Variants in CPNE8 observed in about 807,000 individuals in gnomAD.
The protein encoded by CPNE8 is copine 8.
Under a neutral mutation model 81.5 loss-of-function variants are expected in CPNE8, and 45 were observed. The observed-to-expected ratio is 0.55, with a 90% confidence interval of 0.44 to 0.71. CPNE8 has a LOEUF of 0.71. CPNE8 is among the 30% of genes least tolerant of loss of function. The probability of loss-of-function intolerance (pLI) is 0.00; values close to 1 mark genes in which losing one functional copy is unlikely to be tolerated. For missense variants in CPNE8, 594 were observed against 672.1 expected, an observed-to-expected ratio of 0.88 and a Z score of 1.28; for synonymous variants, 252 against 226.3, an observed-to-expected ratio of 1.11 and a Z score of -1.02.
intron 1 of CPNE8, among the ~76,000 whole-genome samples, chr12:38,890,443 T>G (rs1490454754): frequency 6.6e-6 from 1 of 152,234 alleles, no homozygotes; most frequent in African/African-American, 2.4e-5. Flanking sequence ...ACAAGTTCTG[T>G]CTTTTCCTTT....
At chr12:38,874,065 G>T (rs191722007) in intron 2 of CPNE8, among the ~76,000 whole-genome samples, 1 of 150,404 alleles carries the variant, frequency 6.6e-6, no homozygotes, top group Non-Finnish European at 1.5e-5. Flanking sequence ...CTCCCAAAGT[G>T]CTGGGATTAT....
intron 13 of CPNE8, among the ~76,000 whole-genome samples, chr12:38,717,437 A>ATATATATATATATATATG (rs1940429710): frequency 7.8e-6 from 1 of 128,142 alleles, no homozygotes; most frequent in African/African-American, 3.1e-5. Flanking sequence ...GTGTATATAT[A>ATATATATATATATATATG]TATATATATA....
intron 1 of CPNE8, among the ~76,000 whole-genome samples, chr12:38,877,983 C>G (rs1944092162): frequency 6.6e-6 from 1 of 152,158 alleles, no homozygotes; most frequent in South Asian, 2.1e-4. Flanking sequence ...CCAAAACTCA[C>G]CAAAACCAAG....
At chr12:38,904,460 G>GTTT (rs200928843) in intron 1 of CPNE8, among the ~76,000 whole-genome samples, 7 of 130,526 alleles carry the variant, frequency 5.4e-5, no homozygotes, top group East Asian at 2.3e-4. Flanking sequence ...TTGAAAGTCA[G>GTTT]TTTTTTTTTG....
intron 6 of CPNE8, among the ~76,000 whole-genome samples, chr12:38,826,123 T>C (rs1174087500): frequency 6.6e-6 from 1 of 152,208 alleles, no homozygotes; most frequent in Non-Finnish European, 1.5e-5. Flanking sequence ...GTACTAAAAC[T>C]TGCCTAGCTA....
intron 16 of CPNE8, among the ~76,000 whole-genome samples, chr12:38,683,026 T>C (rs1404549680): frequency 6.6e-6 from 1 of 152,070 alleles, no homozygotes; most frequent in Non-Finnish European, 1.5e-5. Context: ...CTGGAAAGCC[T>C]CAAAAAAAAG....
At chr12:38,779,984 C>T (rs892969836) in intron 6 of CPNE8, among the ~76,000 whole-genome samples, 3 of 152,086 alleles carry the variant, frequency 2.0e-5, no homozygotes, top group African/African-American at 7.2e-5. Flanking sequence ...GCTGTCATTG[C>T]CAGTGCCAAT....
intron 14 of CPNE8, among the ~76,000 whole-genome samples, chr12:38,699,802 C>T (rs548557934): frequency 3.3e-5 from 5 of 151,938 alleles, no homozygotes; most frequent in South Asian, 4.2e-4. Context: ...TAAATTTATT[C>T]GTAAGTATAA....
At chr12:38,896,210 G>T (rs993649434) in intron 1 of CPNE8, among the ~76,000 whole-genome samples, 4 of 152,058 alleles carry the variant, frequency 2.6e-5, no homozygotes, top group African/African-American at 9.7e-5. Context: ...GTGATATTTT[G>T]TTTCTTCAGA....
chr12:38,881,996 C>A (rs1439338209), intron 1 of CPNE8, among the ~76,000 whole-genome samples: 3 of 152,200 alleles, frequency 2.0e-5, no homozygotes, highest in African/African-American at 7.2e-5. Context: ...TTTCCCCAAT[C>A]TTATGGCTCC....
At chr12:38,887,062 C>T (rs953711843) in intron 1 of CPNE8, among the ~76,000 whole-genome samples, 2 of 152,130 alleles carry the variant, frequency 1.3e-5, no homozygotes, top group Non-Finnish European at 2.9e-5. Context: ...AGACAAGCAC[C>T]AGGAGGCAAT....
chr12:38,677,476 G>C lies in CPNE8; in HGVS notation c.1350C>G (p.Ala450=), dbSNP rs907872556. The C allele has an allele frequency of 6.2e-7, 1 of 1,609,138 alleles. No individual in the cohort carries two copies. Among genetic ancestry groups the C allele is most frequent in the Non-Finnish European group, 8.5e-7 (1 of 1,175,942 alleles). Residue 450 remains alanine, a synonymous_variant, in exon 17 of 20, where the codon GCC becomes GCG. Transcript: ENST00000331366. ...IVTDGVISDM[A]QTKESIVNAS... ...CATTAACTATGGACTCCTTAGTCTG[G>C]GCCATATCTGAGATAACACCATCTG... is the stretch of plus-strand genomic sequence containing the variant.
chr12:38,749,520 T>C (rs1941307537), intron 10 of CPNE8, among the ~76,000 whole-genome samples: 1 of 151,890 alleles, frequency 6.6e-6, no homozygotes, highest in Non-Finnish European at 1.5e-5. Flanking sequence ...CTTCATAGAG[T>C]CTTGTTGAAT....
intron 3 of CPNE8, 145 bp from the exon 4 acceptor site, chr12:38,848,807 T>G: frequency 9.0e-7 from 1 of 1,113,778 alleles, no homozygotes; most frequent in Non-Finnish European, 1.2e-6. Flanking sequence ...ATCACCTCTC[T>G]TATTTATTCA....
intron 4 of CPNE8, among the ~76,000 whole-genome samples, chr12:38,843,244 T>G: frequency 6.6e-6 from 1 of 152,150 alleles, no homozygotes; most frequent in East Asian, 1.9e-4. Flanking sequence ...GTAACAGATA[T>G]TGATGGAAAT....
intron 6 of CPNE8, among the ~76,000 whole-genome samples, chr12:38,816,052 T>C (rs1291483341): frequency 6.6e-6 from 1 of 152,192 alleles, no homozygotes; most frequent in Non-Finnish European, 1.5e-5. Context: ...ATGAGGTTTC[T>C]AATATTACTA....
At chr12:38,860,632 ATAG>A in intron 3 of CPNE8, among the ~76,000 whole-genome samples, 1 of 152,248 alleles carries the variant, frequency 6.6e-6, no homozygotes, top group South Asian at 2.1e-4. Context: ...ATTATTCACA[ATAG>A]TCTACATACC....
intron 3 of CPNE8, among the ~76,000 whole-genome samples, chr12:38,854,313 C>A (rs1638960998): frequency 7.0e-6 from 1 of 142,574 alleles, no homozygotes; most frequent in Admixed American, 6.9e-5. Flanking sequence ...AAGAGGAAGA[C>A]ATATAGCTCT....
intron 16 of CPNE8, among the ~76,000 whole-genome samples, chr12:38,685,173 C>T (rs371110309): frequency 7.5e-4 from 115 of 152,326 alleles, no homozygotes; most frequent in African/African-American, 2.5e-3. Context: ...ATGATTTACA[C>T]AGTTGGCATC....
Sources: allele counts gnomAD v4.1 joint callset (sites outside exome capture counted in the v4.1 genomes callset), GRCh38; gene constraint gnomAD v4.1.1; transcripts MANE v1.5; gene names NCBI Gene and HGNC (gene_info 2026-07-23, HGNC 2026-07-21).